Variants in KRT3 observed in about 807,000 individuals in gnomAD.
The protein encoded by KRT3 is keratin, type II cytoskeletal 3.
Under a neutral mutation model 45.8 loss-of-function variants are expected in KRT3, and 34 were observed. The ratio of observed to expected loss-of-function variants is 0.74; its 90% CI spans 0.57 to 0.99. The LOEUF is 0.99. Ranked by LOEUF, KRT3 falls within the 50% of genes least tolerant of loss-of-function variation. The pLI is 0.00. For missense variants in KRT3, 828 were observed against 820.6 expected, an observed-to-expected ratio of 1.01 and a Z score of -0.11; for synonymous variants, 367 against 329.0, an observed-to-expected ratio of 1.12 and a Z score of -1.25.
rs1031291555 is a variant in KRT3, at chr12:52,790,752, T to C, written c.1570+86A>G. On this transcript the variant is annotated intron_variant, in intron 8 of 8. Transcript: ENST00000417996. ...AAAACCCCTCCAACTTCCGTAAAAA[T>C]ATGTTTAAATTAGTTGCTACTACCC... 6 of 1,183,138 alleles carry C rather than the reference T, an allele frequency of 5.1e-6. No individual in the cohort carries two copies. The Admixed American group carries it at 5.9e-5, about 12-fold the overall frequency. 73.3% of individuals were successfully genotyped at this position (1,183,138 alleles called of 1,614,324 possible).
In KRT3 at chr12:52,792,278, C is replaced by G. The variant is rs1200361673; in HGVS notation, c.1149G>C (p.Gln383His). 1.9e-6 allele frequency: 3 copies of G among 1,614,040 alleles called. No homozygotes were observed. The highest frequency in any genetic ancestry group is 2.5e-6 in the Non-Finnish European group (3 of 1,180,012). The change falls in exon 5 of 9, where the codon CAG becomes CAC. Residue 383 changes from glutamine (Q) to histidine (H), a missense_variant. Coordinates refer to ENST00000417996, the MANE Select transcript of KRT3 (RefSeq NM_057088.3). Reference sequence around the variant, plus strand: ...GGGCCTCAGCTTCGGCCTTGCTTCTCTGAGCGATATCCTCATACTGTGCAC... The same window carrying G: ...GGGCCTCAGCTTCGGCCTTGCTTCTGTGAGCGATATCCTCATACTGTGCAC... ...EVRAQYEDIA[Q>H]RSKAEAEALY...
chr12:52,791,199 G>A lies in KRT3; in HGVS notation c.1535+7C>T. 9 of 1,614,160 alleles carry A rather than the reference G, an allele frequency of 5.6e-6. No individual in the cohort carries two copies. Among genetic ancestry groups the A allele is most frequent in the Non-Finnish European group, 7.6e-6 (9 of 1,180,030 alleles). ...GGGGGTGTGGGAAGACGGGACTGGAGGCTCACCTGTACTCCTCGCCCTCCA... is the reference window on the plus strand; with the variant it reads ...GGGGGTGTGGGAAGACGGGACTGGAAGCTCACCTGTACTCCTCGCCCTCCA... On this transcript the variant is annotated splice_region_variant and intron_variant, in intron 7 of 8. Coordinates refer to ENST00000417996, the MANE Select transcript of KRT3 (RefSeq NM_057088.3).
Position 52,790,101 on chromosome 12 carries a change from G to C in KRT3, c.1828C>G (p.Arg610Gly). The C allele has an allele frequency of 6.5e-7, 1 of 1,543,274 alleles. No individual in the cohort carries two copies. Among genetic ancestry groups the C allele is most frequent in the Non-Finnish European group, 8.7e-7 (1 of 1,146,872 alleles). ...TGGGAGAACTTGATGCTGCCGCCCC[G>C]GTTGCTGGCCGAGCTGAAGCCCCCG... Reference protein sequence around the residue: ...SGGGFSSASNRGGSIKFSQSS... With the variant: ...SGGGFSSASNGGGSIKFSQSS... Residue 610 changes from arginine to glycine, a missense_variant, in exon 9 of 9, where the codon CGG becomes GGG. By Grantham distance (125) the Arg-to-Gly change is moderately radical (BLOSUM62 -2). Coordinates refer to ENST00000417996, the MANE Select transcript of KRT3 (RefSeq NM_057088.3).
intron 7 of KRT3, 136 bp from the exon 8 acceptor site, chr12:52,791,008 T>C: frequency 7.9e-7 from 1 of 1,261,074 alleles, no homozygotes; most frequent in Non-Finnish European, 1.1e-6. Context: ...CCACCCCTCT[T>C]TGGGCTGTAG....
chr12:52,794,034 A>G (rs1393616904), intron 2 of KRT3, 77 bp downstream of exon 2: 1 of 1,110,338 alleles, frequency 9.0e-7, no homozygotes, highest in Non-Finnish European at 1.4e-6. Context: ...CCCAGCAGTC[A>G]GGGGGCATGT....
In KRT3 at chr12:52,791,351, G is replaced by A; in HGVS notation, c.1390C>T (p.Leu464Phe). The change falls in exon 7 of 9, where the codon CTC (leucine) becomes TTC (phenylalanine). Residue 464 changes from leucine to phenylalanine, a missense_variant. Leu to Phe is a conservative substitution (Grantham distance 22). Coordinates refer to ENST00000417996, the MANE Select transcript of KRT3 (RefSeq NM_057088.3). ...EMALKDANAKLQELQAALQQA... is the reference protein window; with the variant it reads ...EMALKDANAKFQELQAALQQA... The stretch of plus-strand genomic sequence containing the variant: ...TGTAGAGCAGCCTGCAGCTCTTGGA[G>A]CTTGGCATTGGCATCCTTGAGGGCC... 6.2e-7 allele frequency: 1 copy of A among 1,614,238 alleles called. No homozygotes were observed. Among genetic ancestry groups the A allele is most frequent in the Non-Finnish European group, 8.5e-7 (1 of 1,180,034 alleles).
Position 52,793,184 on chromosome 12 carries a change from A to T in KRT3, c.906T>A (p.Asn302Lys), listed in dbSNP as rs773024765. The T allele has an allele frequency of 1.3e-5, 21 of 1,611,380 alleles. No homozygotes were observed. In the South Asian group the frequency reaches 2.3e-4, roughly 18 times the overall value. The change falls in exon 3 of 9, where the codon AAT becomes AAA. Residue 302 changes from asparagine (N) to lysine (K), a missense_variant. Transcript: ENST00000417996. ...DEINKRTAAE[N>K]EFVTLKKDVD... ...TTACCTTCTTCAGAGTCACAAATTC[A>T]TTCTCAGCAGCTGTACGTTTATTGA...
In KRT3 at chr12:52,790,058, T is replaced by A; in HGVS notation, c.1871A>T (p.Gln624Leu). Residue 624 changes from glutamine (Q) to leucine (L), a missense_variant, in exon 9 of 9, where the codon CAG (glutamine) becomes CTG (leucine). By Grantham distance (113) the Gln-to-Leu change is moderately radical (BLOSUM62 -2). Transcript: ENST00000417996. The stretch of plus-strand genomic sequence containing the variant: ...GCGTGCTCTTTATCTGGAGTAGCGC[T>A]GGGAGGACTGGGAGGACTGGGAGAA... ...IKFSQSSQSS[Q>L]RYSR 6.5e-7 allele frequency: 1 copy of A among 1,537,470 alleles called. No homozygotes were observed. The highest frequency in any genetic ancestry group is 8.7e-7 in the Non-Finnish European group (1 of 1,145,304).
Position 52,795,529 on chromosome 12 carries a change from C to G in KRT3, c.514G>C (p.Glu172Gln), listed in dbSNP as rs897045703. Residue 172 changes from glutamate to glutamine, a missense_variant, in exon 1 of 9, where the codon GAA becomes CAA. Physicochemically the swap from Glu to Gln is conservative, Grantham distance 29. Coordinates refer to ENST00000417996, the MANE Select transcript of KRT3 (RefSeq NM_057088.3). ...AGGAGACTCTGGTTGATAGTCACTT[C>G]CTGAATTCCCCCAGGAAAGCCCCCA... ...GPGGFPGGIQ[E>Q]VTINQSLLQP... The G allele has an allele frequency of 3.7e-6, 6 of 1,614,100 alleles. No homozygotes were observed. In the African/African-American group the frequency reaches 8.0e-5, roughly 22 times the overall value.
intron 8 of KRT3, 38 bp from the exon 9 acceptor site, chr12:52,790,396 G>A (rs759746553): frequency 6.5e-7 from 1 of 1,540,422 alleles, no homozygotes; most frequent in East Asian, 2.3e-5. Flanking sequence ...CAGCGACGGC[G>A]CCCAGGCCAG....
At chr12:52,794,425 G>GA (rs1555178642) in intron 1 of KRT3, 94 bp from the exon 2 acceptor site, 2 of 812,120 alleles carry the variant, frequency 2.5e-6, no homozygotes, top group Non-Finnish European at 4.2e-6. Flanking sequence ...TATCTCCTGG[G>GA]CCCCCAGCAC....
chr12:52,795,456 G>C lies in KRT3; in HGVS notation c.587C>G (p.Ala196Gly), dbSNP rs367755618. The change falls in exon 1 of 9, where the codon GCC (alanine) becomes GGC (glycine). Residue 196 changes from alanine (A) to glycine (G), a missense_variant. Ala to Gly is a moderately conservative substitution (Grantham distance 60). Transcript: ENST00000417996. The part of the protein sequence containing the change: ...EIDPQIGQVK[A>G]QEREQIKTLN... ...GGTCTTGATCTGTTCCCGCTCCTGG[G>C]CCTTTACTTGCCCAATCTGGGGGTC... is the stretch of plus-strand genomic sequence containing the variant. The C allele has an allele frequency of 2.5e-6, 4 of 1,613,972 alleles. No homozygotes were observed. The highest frequency in any genetic ancestry group is 2.5e-6 in the Non-Finnish European group (3 of 1,180,012).
At chr12:52,791,883 A>G (rs1939518213) in intron 5 of KRT3, 67 bp from the exon 6 acceptor site, 27 of 1,536,862 alleles carry the variant, frequency 1.8e-5, no homozygotes, top group Admixed American at 1.1e-4. Context: ...CACCTCCAAC[A>G]TCACCCACCA....
chr12:52,791,050 G>A (rs769431016), intron 7 of KRT3, among the ~76,000 whole-genome samples, 156 bp downstream of exon 7: 8 of 152,208 alleles, frequency 5.3e-5, no homozygotes, highest in Non-Finnish European at 1.0e-4. Flanking sequence ...GGTTGCATAC[G>A]TGCCCTGGGA....
rs2121225539 is a variant in KRT3, at chr12:52,795,538, C to T, written c.505G>A (p.Gly169Arg). 1.2e-6 allele frequency: 2 copies of T among 1,613,978 alleles called. No individual in the cohort carries two copies. Among genetic ancestry groups the T allele is most frequent in the East Asian group, 4.5e-5 (2 of 44,874 alleles). The change falls in exon 1 of 9, where the codon GGA becomes AGA. Residue 169 changes from glycine to arginine, a missense_variant. Physicochemically the swap from Gly to Arg is moderately radical, Grantham distance 125. Coordinates refer to ENST00000417996, the MANE Select transcript of KRT3 (RefSeq NM_057088.3). ...GGFGPGGFPG[G>R]IQEVTINQSL... ...TGGTTGATAGTCACTTCCTGAATTCCCCCAGGAAAGCCCCCAGGGCCAAAG... is the reference window on the plus strand; with the variant it reads ...TGGTTGATAGTCACTTCCTGAATTCTCCCAGGAAAGCCCCCAGGGCCAAAG...
At position 52,790,292 on chromosome 12, in the gene KRT3, A is replaced by G. The variant is rs1050703717; in HGVS notation, c.1637T>C (p.Met546Thr). 1.6e-5 allele frequency: 25 copies of G among 1,561,908 alleles called. No homozygotes were observed. The highest frequency in any genetic ancestry group is 2.1e-5 in the Non-Finnish European group (24 of 1,153,242). The change falls in exon 9 of 9, where the codon ATG becomes ACG. Residue 546 changes from methionine to threonine, a missense_variant. Met to Thr is a moderately conservative substitution (Grantham distance 81). Coordinates refer to ENST00000417996, the MANE Select transcript of KRT3 (RefSeq NM_057088.3). ...GAAGCCACCTCCTAAACCACCGCCC[A>G]TGCCTCCGCCGTAACCTCCTCCATA... ...GGYGGGYGGG[M>T]GGGLGGGFSA...
In KRT3 at chr12:52,794,161, C is replaced by A. The variant is rs1227327699; in HGVS notation, c.816G>T (p.Leu272=). 2 of 1,614,184 alleles carry A rather than the reference C, an allele frequency of 1.2e-6. No individual in the cohort carries two copies. ...LDNILGERGR[L]DSELKNMEDL... is the part of the protein sequence containing the mutation. ...CCTCCATGTTCTTCAGCTCAGAGTC[C>A]AGGCGCCCTCTCTCCCCGAGGATGT... The change falls in exon 2 of 9, where the codon CTG becomes CTT. Residue 272 remains leucine, a synonymous_variant. Coordinates refer to ENST00000417996, the MANE Select transcript of KRT3 (RefSeq NM_057088.3).
At chr12:52,790,925 A>C in intron 7 of KRT3, 53 bp from the exon 8 acceptor site, 1 of 1,530,020 alleles carries the variant, frequency 6.5e-7, no homozygotes, top group Non-Finnish European at 8.9e-7. Flanking sequence ...CATCACCAAC[A>C]AGTCCACGGA....
rs569472565 is a variant in KRT3, at chr12:52,790,435, G to T, written c.1571-77C>A. The T allele has an allele frequency of 6.5e-6, 9 of 1,378,682 alleles. No individual in the cohort carries two copies. The East Asian group carries it at 2.2e-4, about 34-fold the overall frequency. The allele number at this position is 1,378,682 out of a possible 1,614,324, so 85.4% of individuals were successfully genotyped here. ...CTATGTTATTGTCAATGATCCACCG[G>T]GCCCACGACTATCCAGAGCTGATCA... On this transcript the variant is annotated intron_variant, in intron 8 of 8. Coordinates refer to ENST00000417996, the MANE Select transcript of KRT3 (RefSeq NM_057088.3).
Sources: gnomAD v4.1 joint callset for allele counts (sites outside exome capture counted in the v4.1 genomes callset) on GRCh38, gnomAD v4.1.1 for gene constraint, MANE v1.5 for transcripts, NCBI Gene and HGNC (gene_info 2026-07-23, HGNC 2026-07-21) for gene names.